The following MCPH1 variants were observed in gnomAD, a reference collection of about 807,000 sequenced individuals.
MCPH1 encodes the protein microcephalin 1.
A neutral mutation model predicts 84.5 loss-of-function variants in MCPH1; 104 were observed. The observed-to-expected ratio is 1.23, with a 90% CI of 1.05 to 1.45. The LOEUF (loss-of-function observed/expected upper bound fraction) is 1.45, where lower values mean the gene tolerates loss of function less well. Ranked by LOEUF, MCPH1 falls within the 40% of genes most tolerant of loss-of-function variation. The pLI is 0.00. For missense variants in MCPH1, 1,498 were observed against 1,005.7 expected (o/e 1.49, Z -6.62); for synonymous variants, 514 against 366.8 (o/e 1.40, Z -4.58).
At chr8:6,548,923 CTTG>C (rs1823082743) in intron 12 of MCPH1, among the ~76,000 whole-genome samples, 1 of 152,176 alleles carries the variant, frequency 6.6e-6, no homozygotes, top group South Asian at 2.1e-4. Flanking sequence ...TCACTACCTC[CTTG>C]TTAACCTCTG....
intron 3 of MCPH1, among the ~76,000 whole-genome samples, chr8:6,426,938 A>G (rs1801143736): frequency 6.6e-6 from 1 of 152,226 alleles, no homozygotes; most frequent in Admixed American, 6.5e-5. Context: ...GCTTGACGAC[A>G]GGGATGCCTT....
intron 9 of MCPH1, chr8:6,474,286 T>G (rs1403996557): frequency 1.9e-6 from 1 of 530,876 alleles, no homozygotes. Flanking sequence ...ATCCTGATTT[T>G]GATTCTGATA....
chr8:6,609,519 G>C lies in MCPH1; in HGVS notation c.2215-11935G>C, dbSNP rs61044207. 4.0e-3 allele frequency among the ~76,000 whole-genome samples: 615 copies of C among 152,320 alleles called. 9 individuals carry two copies. The highest frequency in any genetic ancestry group is 0.014 in the African/African-American group (565 of 41,570). On this transcript the variant is annotated intron_variant, in intron 12 of 13. Coordinates refer to ENST00000344683, the MANE Select transcript of MCPH1 (RefSeq NM_024596.5). ...CAAGTTTGGCGCTCATTGAGTTCCA[G>C]TGTCAGTTGTCTGAATCGCCTTCAG...
chr8:6,526,104 A>C (rs992818038), intron 12 of MCPH1, among the ~76,000 whole-genome samples: 1 of 152,048 alleles, frequency 6.6e-6, no homozygotes, highest in Non-Finnish European at 1.5e-5. Context: ...TTTTGAAGAG[A>C]ACATTACTAA....
chr8:6,408,974 C>T (rs1462967861), intron 1 of MCPH1, among the ~76,000 whole-genome samples: 3 of 152,074 alleles, frequency 2.0e-5, no homozygotes, highest in Non-Finnish European at 4.4e-5. Context: ...CAACCTCTGC[C>T]TCCCGGGTTC....
intron 12 of MCPH1, among the ~76,000 whole-genome samples, chr8:6,594,723 G>A (rs373262332): frequency 6.7e-6 from 1 of 148,756 alleles, no homozygotes; most frequent in East Asian, 2.0e-4. Context: ...GGGACTGCAG[G>A]GGAAGGGAGG....
chr8:6,630,987 G>A lies in MCPH1; in HGVS notation c.2452+9296G>A, dbSNP rs75155962. On this transcript the variant is annotated intron_variant, in intron 13 of 13. Transcript: ENST00000344683. ...TCCAACACAGAAACCGCTAAAATCA[G>A]GCAGAAGCTGTCTGCAGAGATGTTG... Among the ~76,000 whole-genome samples the A allele has an allele frequency of 7.2e-3, 1,100 of 152,274 alleles. 11 individuals carry two copies. The highest frequency in any genetic ancestry group is 0.025 in the African/African-American group (1,038 of 41,560).
In MCPH1 at chr8:6,646,881, A is replaced by T. The variant is rs930269519; in HGVS notation, c.*3832A>T. The T allele has an allele frequency of 6.6e-6, 1 of 152,238 alleles. No individual in the cohort carries two copies. Among genetic ancestry groups the T allele is most frequent in the Non-Finnish European group, 1.5e-5 (1 of 68,048 alleles). The allele number at this position is 152,238 out of a possible 1,614,324, so 9.4% of individuals were successfully genotyped here. On this transcript the variant is annotated 3_prime_UTR_variant, in exon 14 of 14. Transcript: ENST00000344683. ...ACAGAAGAAAGCATAGCAGGAAATC[A>T]TTCTGACCTCAGGTTAGGCAAAGCT...
At chr8:6,519,966 T>C in intron 12 of MCPH1, 1 of 1,614,144 alleles carries the variant, frequency 6.2e-7, no homozygotes. Context: ...TGATTTGTTC[T>C]TCTTTAGCAA....
intron 11 of MCPH1, among the ~76,000 whole-genome samples, chr8:6,486,851 C>A (rs1246457598): frequency 6.6e-6 from 1 of 152,172 alleles, no homozygotes; most frequent in Non-Finnish European, 1.5e-5. Flanking sequence ...ATGTGTTGTT[C>A]AAGCATAGCA....
chr8:6,639,704 A>G (rs1025781867), intron 13 of MCPH1, among the ~76,000 whole-genome samples: 6 of 152,068 alleles, frequency 3.9e-5, no homozygotes, highest in African/African-American at 1.4e-4. Context: ...AAATAAATGT[A>G]TATAAACACA....
intron 12 of MCPH1, among the ~76,000 whole-genome samples, chr8:6,511,560 A>T (rs1815099801): frequency 6.6e-6 from 1 of 152,180 alleles, no homozygotes; most frequent in African/African-American, 2.4e-5. Context: ...GGGAAAAAAA[A>T]ATCCCTTACA....
rs942471578 is a variant in MCPH1, at chr8:6,601,553, G to A, written c.2215-19901G>A. ...CACACACACACACACACACCCCTAC[G>A]CACACCCACACCCCACATGCACATC... is the stretch of plus-strand genomic sequence containing the variant. On this transcript the variant is annotated intron_variant, in intron 12 of 13. Transcript: ENST00000344683. 1.0e-3 allele frequency among the ~76,000 whole-genome samples: 79 copies of A among 75,512 alleles called. 1 individual carries two copies. The highest frequency in any genetic ancestry group is 3.0e-3 in the African/African-American group (72 of 23,748). 49.5% of individuals were successfully genotyped at this position (75,512 alleles called of 152,430 possible). A position where few individuals can be genotyped will look rare whatever the true frequency, so the allele number is the denominator to read the frequency against.
At chr8:6,460,799 C>T (rs1806197100) in intron 9 of MCPH1, among the ~76,000 whole-genome samples, 1 of 152,072 alleles carries the variant, frequency 6.6e-6, no homozygotes, top group Non-Finnish European at 1.5e-5. Flanking sequence ...CTCTGGTTCA[C>T]CTCCTCTTCC....
chr8:6,636,335 C>CAAA (rs56881618), intron 13 of MCPH1, among the ~76,000 whole-genome samples: 3 of 103,052 alleles, frequency 2.9e-5, no homozygotes, highest in African/African-American at 7.0e-5. Context: ...GAGACTGTCT[C>CAAA]AAAAAAAAAA....
intron 12 of MCPH1, among the ~76,000 whole-genome samples, chr8:6,602,984 C>T (rs916849675): frequency 3.3e-5 from 5 of 150,718 alleles, no homozygotes; most frequent in Admixed American, 6.6e-5. Context: ...AGTGTGCATC[C>T]GTGTGTGTGT....
chr8:6,423,815 C>A (rs1189998762), intron 3 of MCPH1, among the ~76,000 whole-genome samples: 2 of 152,028 alleles, frequency 1.3e-5, no homozygotes, highest in Non-Finnish European at 2.9e-5. Flanking sequence ...CTGGAATTAT[C>A]AAAAAAATGC....
intron 12 of MCPH1, among the ~76,000 whole-genome samples, chr8:6,557,535 G>T (rs28418388): frequency 0.025 from 3,838 of 152,210 alleles, 115 homozygotes; most frequent in African/African-American, 0.069. Context: ...GCCAAAGGAG[G>T]ATGTAGTGAA....
intron 12 of MCPH1, among the ~76,000 whole-genome samples, chr8:6,552,175 T>G (rs1379871597): frequency 1.3e-5 from 2 of 152,226 alleles, no homozygotes; most frequent in Non-Finnish European, 2.9e-5. Flanking sequence ...AGAAGGTAGT[T>G]TGGGGCTATC....
Sources: gnomAD v4.1 joint callset for allele counts (sites outside exome capture counted in the v4.1 genomes callset) on GRCh38, gnomAD v4.1.1 for gene constraint, MANE v1.5 for transcripts, NCBI Gene and HGNC (gene_info 2026-07-23, HGNC 2026-07-21) for gene names.